The following FAM209A variants were observed in gnomAD, a reference collection of about 807,000 sequenced individuals.
The protein encoded by FAM209A is protein FAM209A.
In FAM209A, 4 loss-of-function variants were observed where a neutral mutation model predicts 9.8. That is an observed-to-expected ratio of 0.41 (90% CI 0.20 to 0.94). The LOEUF is 0.94. Among genes scored for constraint, FAM209A ranks in the 40% least tolerant of loss-of-function variants. The pLI is 0.32. For synonymous variants in FAM209A, 55 were observed against 77.8 expected (o/e 0.71, Z 1.54); for missense variants, 205 against 209.4 (o/e 0.98, Z 0.13).
At chr20:56,531,848 ACTC>A in the FAM209A span, among the ~76,000 whole-genome samples, 2 of 146,814 alleles carry the variant, frequency 1.4e-5, no homozygotes, top group African/African-American at 5.1e-5. Context: ...TTGGTCTGGA[ACTC>A]CTCCTGACCT....
chr20:56,527,174 A>G (rs1037988491), downstream of FAM209A, among the ~76,000 whole-genome samples: 5 of 150,510 alleles, frequency 3.3e-5, no homozygotes, highest in Non-Finnish European at 7.4e-5. Flanking sequence ...TTCGCCGATG[A>G]TTGATGGATG....
In FAM209A at chr20:56,525,852, A is replaced by G. The variant is rs1246315369; in HGVS notation, c.298A>G (p.Lys100Glu). The G allele has an allele frequency of 1.2e-6, 2 of 1,614,184 alleles. No homozygotes were observed. The highest frequency in any genetic ancestry group is 4.5e-5 in the East Asian group (2 of 44,882). Residue 100 changes from lysine (K) to glutamate (E), a missense_variant, in exon 2 of 2, where the codon AAG becomes GAG. Lys to Glu is a moderately conservative substitution (Grantham distance 56). Transcript: ENST00000371328. Reference sequence around the variant, plus strand: ...AGGCGGCCAACTTCACTCTCCATTAAAGAAAAAAAGAAATGCTTCCCCCAA... The same window carrying G: ...AGGCGGCCAACTTCACTCTCCATTAGAGAAAAAAAGAAATGCTTCCCCCAA... ...LRGGQLHSPL[K>E]KKRNASPNKD...
In FAM209A at chr20:56,525,895, A is replaced by C; in HGVS notation, c.341A>C (p.Asn114Thr). 1 of 1,614,240 alleles carries C rather than the reference A, an allele frequency of 6.2e-7. No homozygotes were observed. Among genetic ancestry groups the C allele is most frequent in the Non-Finnish European group, 8.5e-7 (1 of 1,180,034 alleles). ...TCCCCCAACAAAGACTGTGCATTCA[A>C]TACCTTAATGGAACTCGAGGTGGAG... ...NASPNKDCAFNTLMELEVELM... is the reference protein window; with the variant it reads ...NASPNKDCAFTTLMELEVELM... The change falls in exon 2 of 2, where the codon AAT becomes ACT. Residue 114 changes from asparagine (N) to threonine (T), a missense_variant. By Grantham distance (65) the Asn-to-Thr change is moderately conservative. Transcript: ENST00000371328.
At chr20:56,530,821 ACTT>A (rs993372618), downstream of FAM209A, among the ~76,000 whole-genome samples, 10 of 151,954 alleles carry the variant, frequency 6.6e-5, no homozygotes, top group Admixed American at 6.6e-4. Flanking sequence ...AGCTTGTAGA[ACTT>A]CTTTGTCACT....
downstream of FAM209A, among the ~76,000 whole-genome samples, chr20:56,528,497 A>G (rs2146398262): frequency 6.7e-6 from 1 of 148,462 alleles, no homozygotes; most frequent in South Asian, 2.1e-4. Context: ...GCTACTCAGG[A>G]GGTTGAGGTG....
At chr20:56,527,738 G>A (rs1044433579), downstream of FAM209A, among the ~76,000 whole-genome samples, 11 of 152,248 alleles carry the variant, frequency 7.2e-5, no homozygotes, top group Non-Finnish European at 1.5e-4. Flanking sequence ...GGGGAAGGAG[G>A]CCCTGCCTCG....
rs1002637808 is a variant in FAM209A, at chr20:56,525,007, G to T, written c.199G>T (p.Val67Phe). The T allele has an allele frequency of 6.2e-7, 1 of 1,614,214 alleles. No homozygotes were observed. The highest frequency in any genetic ancestry group is 8.5e-7 in the Non-Finnish European group (1 of 1,180,038). ...CAAATGGCTCTGGCTTCTTTTTGTT[G>T]TTGTGCCGTTTGTGATACTGCAGTG... ...GSKWLWLLFV[V>F]VPFVILQCQR... Residue 67 changes from valine to phenylalanine, a missense_variant, in exon 1 of 2, where the codon GTT becomes TTT. Physicochemically the swap from Val to Phe is conservative, Grantham distance 50 (BLOSUM62 -1). Coordinates refer to ENST00000371328, the MANE Select transcript of FAM209A (RefSeq NM_001012971.4).
chr20:56,529,306 C>T (rs1985661866), downstream of FAM209A, among the ~76,000 whole-genome samples: 1 of 152,130 alleles, frequency 6.6e-6, no homozygotes, highest in African/African-American at 2.4e-5. Context: ...CACCTGAGGT[C>T]AGGAGTTCAA....
downstream of FAM209A, among the ~76,000 whole-genome samples, chr20:56,530,561 C>A (rs188670770): frequency 3.9e-4 from 59 of 152,072 alleles, 4 homozygotes; most frequent in East Asian, 4.4e-3. Flanking sequence ...GCAATGGCAT[C>A]ATCTGAGCTC....
Position 56,525,031 on chromosome 20 carries a change from T to A in FAM209A, c.223T>A (p.Cys75Ser), listed in dbSNP as rs147457237. The change falls in exon 1 of 2, where the codon TGT becomes AGT. Residue 75 changes from cysteine to serine, a missense_variant. Physicochemically the swap from Cys to Ser is moderately radical, Grantham distance 112. Transcript: ENST00000371328. The stretch of plus-strand genomic sequence containing the variant: ...TGTTGTGCCGTTTGTGATACTGCAG[T>A]GTCAAAGAGACAGTGAGAAGAATAA... ...FVVVPFVILQ[C>S]QRDSEKNKEQ... 2.9e-5 allele frequency: 47 copies of A among 1,614,044 alleles called. No homozygotes were observed. In the Admixed American group the frequency reaches 4.5e-4, roughly 15 times the overall value.
In FAM209A at chr20:56,525,052, A is replaced by G. The variant is rs750515557; in HGVS notation, c.244A>G (p.Asn82Asp). ...ILQCQRDSEK[N>D]KEQSPPGLRG... ...GCAGTGTCAAAGAGACAGTGAGAAG[A>G]ATAAGGTAAGGATGGCTCCATTTTT... is the stretch of plus-strand genomic sequence containing the variant. Residue 82 changes from asparagine to aspartate, a missense_variant, in exon 1 of 2, where the codon AAT becomes GAT. Physicochemically the swap from Asn to Asp is conservative, Grantham distance 23 (BLOSUM62 1). Coordinates refer to ENST00000371328, the MANE Select transcript of FAM209A (RefSeq NM_001012971.4). The G allele has an allele frequency of 6.8e-5, 110 of 1,613,998 alleles. No individual in the cohort carries two copies. The highest frequency in any genetic ancestry group is 9.1e-5 in the Non-Finnish European group (107 of 1,180,020).
downstream of FAM209A, among the ~76,000 whole-genome samples, chr20:56,530,528 T>TG (rs1985706698): frequency 6.6e-6 from 1 of 152,128 alleles, no homozygotes; most frequent in African/African-American, 2.4e-5. Flanking sequence ...GACAGAGTCT[T>TG]GCTCTGTTGC....
At chr20:56,533,098 C>A in the FAM209A span, 1 of 1,350,362 alleles carries the variant, frequency 7.4e-7, no homozygotes, top group African/African-American at 1.5e-5. Context: ...GAATTGGCAC[C>A]CCGTCGTGCC....
At chr20:56,531,970 T>G in the FAM209A span, among the ~76,000 whole-genome samples, 1 of 139,514 alleles carries the variant, frequency 7.2e-6, no homozygotes, top group African/African-American at 2.7e-5. Flanking sequence ...TTTTCTTTTC[T>G]TTTCTTTTTT....
downstream of FAM209A, among the ~76,000 whole-genome samples, chr20:56,528,735 C>T (rs898423772): frequency 2.6e-5 from 4 of 152,132 alleles, no homozygotes; most frequent in African/African-American, 9.7e-5. Flanking sequence ...AGACCTCATT[C>T]GAGAGGGTCA....
In FAM209A at chr20:56,526,152, A is replaced by G. The variant is rs186109785; in HGVS notation, c.*82A>G. 6.5e-5 allele frequency: 97 copies of G among 1,481,806 alleles called. No individual in the cohort carries two copies. Among genetic ancestry groups the G allele is most frequent in the Non-Finnish European group, 8.1e-5 (90 of 1,116,238 alleles). The allele number at this position is 1,481,806 out of a possible 1,614,324, so 91.8% of individuals were successfully genotyped here. On this transcript the variant is annotated 3_prime_UTR_variant, in exon 2 of 2. Transcript: ENST00000371328. ...TAATAAAACTATTCTGAAGAAAAGA[A>G]CTTCCATGTTTGAGAGCTTGCTTCT... is the stretch of plus-strand genomic sequence containing the variant.
chr20:56,525,757 C>T, intron 1 of FAM209A, 47 bp from the exon 2 acceptor site: 1 of 1,585,038 alleles, frequency 6.3e-7, no homozygotes, highest in African/African-American at 1.4e-5. Flanking sequence ...TGTGTCAAAA[C>T]CAACAAAGTT....
downstream of FAM209A, among the ~76,000 whole-genome samples, chr20:56,527,799 C>T (rs1985602127): frequency 6.6e-6 from 1 of 152,246 alleles, no homozygotes; most frequent in Non-Finnish European, 1.5e-5. Flanking sequence ...GAAGGGTGGG[C>T]AGCATCTTCC....
chr20:56,532,975 C>T, the FAM209A span, among the ~76,000 whole-genome samples: 1 of 152,184 alleles, frequency 6.6e-6, no homozygotes, highest in Non-Finnish European at 1.5e-5. Context: ...CTCCACGGGG[C>T]ACATGGCATC....
Sources: allele counts gnomAD v4.1 joint callset (sites outside exome capture counted in the v4.1 genomes callset), GRCh38; gene constraint gnomAD v4.1.1; transcripts MANE v1.5; gene names NCBI Gene and HGNC (gene_info 2026-07-23, HGNC 2026-07-21).